The following C2orf74 variants were observed in gnomAD, a reference collection of about 807,000 sequenced individuals.
C2orf74 encodes uncharacterized protein C2orf74.
A neutral mutation model predicts 17.9 loss-of-function variants in C2orf74; 14 were observed. The ratio of observed to expected loss-of-function variants is 0.78; its 90% CI spans 0.52 to 1.22. The LOEUF (loss-of-function observed/expected upper bound fraction) is 1.22. Among genes scored for constraint, C2orf74 ranks in the 50% most tolerant of loss-of-function variants. C2orf74 has a pLI of 0.00. For synonymous variants in C2orf74, 79 were observed against 72.6 expected, an observed-to-expected ratio of 1.09 and a Z score of -0.44; for missense variants, 217 against 218.4, an observed-to-expected ratio of 0.99 and a Z score of 0.04.
chr2:61,159,134 C>T (rs183114758), upstream of C2orf74, among the ~76,000 whole-genome samples: 477 of 149,950 alleles, frequency 3.2e-3, 1 homozygote, highest in African/African-American at 0.011. Context: ...GTAGCTGGGA[C>T]TACAGATGCG....
chr2:61,149,661 T>C (rs1665269), intron 1 of C2orf74, among the ~76,000 whole-genome samples: 94,010 of 148,232 alleles, frequency 0.63, 30,094 homozygotes, highest in African/African-American at 0.74. Context: ...TCACTGCAAC[T>C]TACGCCTCCC....
At chr2:61,157,772 G>A (rs1685435147), upstream of C2orf74, 8 of 431,108 alleles carry the variant, frequency 1.9e-5, no homozygotes, top group South Asian at 1.2e-4. Flanking sequence ...TGTGTCCACT[G>A]CCCCTAGTTT....
chr2:61,160,084 C>T (rs1400654114), upstream of C2orf74, among the ~76,000 whole-genome samples: 4 of 151,996 alleles, frequency 2.6e-5, no homozygotes, highest in African/African-American at 9.7e-5. Flanking sequence ...AACATGTGAC[C>T]TATTGTGTCT....
At chr2:61,158,984 T>G (rs1465218188), upstream of C2orf74, among the ~76,000 whole-genome samples, 1 of 38,162 alleles carries the variant, frequency 2.6e-5, no homozygotes, top group Non-Finnish European at 7.1e-5. Flanking sequence ...TTTTTTGTTG[T>G]TTGTTTGTTT....
Position 61,163,212 on chromosome 2 carries a change from G to A in C2orf74, c.370G>A (p.Gly124Arg), listed in dbSNP as rs377194035. ...INEKQEPENA[G>R]ETGQEEDDGL... ...TGAGAAGCAAGAGCCTGAGAATGCT[G>A]GAGAAACTGGTCAAGAAGAGGTGAT... is the stretch of plus-strand genomic sequence containing the variant. The change falls in exon 4 of 5, where the codon GGA (glycine) becomes AGA (arginine). Residue 124 changes from glycine to arginine, a missense_variant. Coordinates refer to ENST00000432605, the MANE Select transcript of C2orf74 (RefSeq NM_001143959.4). The A allele has an allele frequency of 1.7e-4, 268 of 1,551,578 alleles. 1 individual carries two copies. In the African/African-American group the frequency reaches 3.4e-3, roughly 20 times the overall value.
rs557820341 is a variant in C2orf74 at position 61,149,727 on chromosome 2, C to T, written c.-122+4531C>T. On this transcript the variant is annotated intron_variant, in intron 1 of 3. Transcript: ENST00000426997. ...ACAAGTAGCTGGGATTACAGGCATG[C>T]ACCACCACGCCTGACTAATTTTGTA... Among the ~76,000 whole-genome samples, 45 of 152,002 alleles carry T rather than the reference C, an allele frequency of 3.0e-4. 1 individual carries two copies. In the South Asian group the frequency reaches 8.9e-3, roughly 30 times the overall value.
chr2:61,162,638 AG>A (rs777782362), intron 2 of C2orf74, 29 bp downstream of exon 2: 10 of 1,368,038 alleles, frequency 7.3e-6, no homozygotes, highest in Middle Eastern at 1.8e-4. Flanking sequence ...AATTGGGATC[AG>A]ATTTCAAGTC....
At chr2:61,164,008 T>C (rs1685653448) in intron 4 of C2orf74, among the ~76,000 whole-genome samples, 1 of 152,052 alleles carries the variant, frequency 6.6e-6, no homozygotes, top group African/African-American at 2.4e-5. Context: ...GCTGGGTCCT[T>C]CTTGAGCTCT....
upstream of C2orf74, among the ~76,000 whole-genome samples, chr2:61,161,040 G>A (rs975649243): frequency 6.6e-6 from 1 of 152,118 alleles, no homozygotes; most frequent in African/African-American, 2.4e-5. Flanking sequence ...AGTGCACAAG[G>A]TTCCAATTTC....
intron 1 of C2orf74, chr2:61,152,001 T>G (rs532262062): frequency 1.7e-4 from 26 of 152,490 alleles, no homozygotes; most frequent in African/African-American, 6.0e-4. Flanking sequence ...ACCATGAAGC[T>G]TCTCCCTTTT....
chr2:61,154,409 T>C (rs933312778), intron 1 of C2orf74, among the ~76,000 whole-genome samples: 3 of 152,140 alleles, frequency 2.0e-5, no homozygotes, highest in Non-Finnish European at 1.5e-5. Context: ...AATTGTAATA[T>C]AGTGTCCTGA....
At chr2:61,150,356 C>T (rs1166172101) in intron 1 of C2orf74, among the ~76,000 whole-genome samples, 1 of 152,156 alleles carries the variant, frequency 6.6e-6, no homozygotes, top group African/African-American at 2.4e-5. Context: ...GTATAGCTGG[C>T]ATTACTGTAT....
chr2:61,161,417 G>A (rs1017657220), upstream of C2orf74, among the ~76,000 whole-genome samples: 1 of 149,876 alleles, frequency 6.7e-6, no homozygotes, highest in Non-Finnish European at 1.5e-5. Context: ...TTTCTCATTT[G>A]TTGAGTGGTT....
At chr2:61,147,316 C>T (rs1203151903) in intron 1 of C2orf74, among the ~76,000 whole-genome samples, 11 of 151,884 alleles carry the variant, frequency 7.2e-5, no homozygotes, top group Admixed American at 7.2e-4. Flanking sequence ...CTGCGGGCCT[C>T]GGCTTCCCAA....
intron 4 of C2orf74, among the ~76,000 whole-genome samples, chr2:61,164,105 G>A (rs1685657145): frequency 6.6e-6 from 1 of 152,090 alleles, no homozygotes; most frequent in Admixed American, 6.5e-5. Context: ...TGGTCCTGGT[G>A]GCTCTTGGGT....
At chr2:61,161,859 G>A (rs1685572061), upstream of C2orf74, 1 of 152,388 alleles carries the variant, frequency 6.6e-6, no homozygotes, top group African/African-American at 2.4e-5. Flanking sequence ...TATAGAGAGG[G>A]ATTTCATAAG....
At chr2:61,154,645 T>G (rs1235845591) in intron 1 of C2orf74, among the ~76,000 whole-genome samples, 2 of 152,170 alleles carry the variant, frequency 1.3e-5, no homozygotes, top group Admixed American at 1.3e-4. Flanking sequence ...CCTAAAAAAT[T>G]GTTTTAAGTC....
In C2orf74 at chr2:61,164,341, C is replaced by T; in HGVS notation, c.391-13C>T. ...GATTATTTGTTTATATTGTTTGTCC[C>T]ATTCTCTTGCAGGATGATGGTTTGC... is the stretch of plus-strand genomic sequence containing the variant. On this transcript the variant is annotated splice_polypyrimidine_tract_variant and intron_variant, in intron 4 of 4. Coordinates refer to ENST00000432605, the MANE Select transcript of C2orf74 (RefSeq NM_001143959.4). The T allele has an allele frequency of 6.6e-7, 1 of 1,524,528 alleles. No individual in the cohort carries two copies. Among genetic ancestry groups the T allele is most frequent in the Non-Finnish European group, 8.8e-7 (1 of 1,135,142 alleles). The allele number at this position is 1,524,528 out of a possible 1,614,324, so 94.4% of individuals were successfully genotyped here.
chr2:61,150,064 G>A (rs10174244), intron 1 of C2orf74, among the ~76,000 whole-genome samples: 4,185 of 152,254 alleles, frequency 0.027, 200 homozygotes, highest in African/African-American at 0.095. Flanking sequence ...AAAGATCGCC[G>A]AATGGTTGAT....
Sources: gnomAD v4.1 joint callset for allele counts (sites outside exome capture counted in the v4.1 genomes callset) on GRCh38, gnomAD v4.1.1 for gene constraint, MANE v1.5 for transcripts, NCBI Gene and HGNC (gene_info 2026-07-23, HGNC 2026-07-21) for gene names.